Variants in SETD9 observed in about 807,000 individuals in gnomAD.
The protein encoded by SETD9 is SET domain-containing protein 9.
SETD9 carries 37 observed loss-of-function variants against 36.4 expected under a neutral mutation model. That is an observed-to-expected ratio of 1.02 (90% confidence interval 0.78 to 1.34). The LOEUF is 1.34. Among genes scored for constraint, SETD9 ranks in the 40% most tolerant of loss-of-function variants. The pLI is 0.00. For synonymous variants in SETD9, 128 were observed against 132.9 expected (o/e 0.96, Z 0.26); for missense variants, 323 against 353.2 (o/e 0.91, Z 0.69).
Position 56,909,683 on chromosome 5 carries a change from G to A in SETD9, c.38G>A (p.Trp13Ter). 6.2e-7 allele frequency: 1 copy of A among 1,609,704 alleles called. No homozygotes were observed. The highest frequency in any genetic ancestry group is 2.2e-5 in the East Asian group (1 of 44,496). The change falls in exon 1 of 6, where the codon TGG (tryptophan) becomes TAG (stop). Residue 13 changes from tryptophan (W) to a stop codon, truncating the protein, a stop_gained. Transcript: ENST00000285947. LOFTEE classifies it high-confidence loss of function. The stretch of plus-strand genomic sequence containing the variant: ...CTGCTGCGGGGCCTGTGGCAGCGAT[G>A]GCGCCGTTACAAGTACCGCTTCGTT... Reference protein sequence around the residue: ...GRLLRGLWQRWRRYKYRFVPW... With the variant: ...GRLLRGLWQR
At chr5:56,925,305 G>A (rs745878589) in intron 5 of SETD9, 4 of 453,690 alleles carry the variant, frequency 8.8e-6, no homozygotes, top group Non-Finnish European at 1.8e-5. Context: ...GATTGGGAAG[G>A]AAGAAATAAA....
chr5:56,909,691 T>A lies in SETD9; in HGVS notation c.46T>A (p.Tyr16Asn). The change falls in exon 1 of 6, where the codon TAC becomes AAC. Residue 16 changes from tyrosine (Y) to asparagine (N), a missense_variant. Coordinates refer to ENST00000285947, the MANE Select transcript of SETD9 (RefSeq NM_153706.4). ...GGGCCTGTGGCAGCGATGGCGCCGT[T>A]ACAAGTACCGCTTCGTTCCCTGGAT... ...LRGLWQRWRRYKYRFVPWIAL... is the reference protein window; with the variant it reads ...LRGLWQRWRRNKYRFVPWIAL... 6.2e-7 allele frequency: 1 copy of A among 1,610,576 alleles called. No homozygotes were observed. Among genetic ancestry groups the A allele is most frequent in the Non-Finnish European group, 8.5e-7 (1 of 1,178,832 alleles).
intron 2 of SETD9, 25 bp downstream of exon 2, chr5:56,911,561 T>C: frequency 6.7e-7 from 1 of 1,489,510 alleles, no homozygotes; most frequent in Non-Finnish European, 8.9e-7. Flanking sequence ...AATATTATAC[T>C]TTGCCAAGCT....
intron 5 of SETD9, among the ~76,000 whole-genome samples, chr5:56,915,993 G>T (rs556248909): frequency 1.1e-4 from 17 of 152,094 alleles, no homozygotes; most frequent in Admixed American, 7.9e-4. Context: ...CCAAAAACTT[G>T]ATAACTTTTG....
intron 5 of SETD9, chr5:56,923,517 G>A (rs748965721): frequency 1.2e-6 from 2 of 1,614,188 alleles, no homozygotes; most frequent in African/African-American, 1.3e-5. Context: ...TTGCCCAGTG[G>A]AGGAAAGCTA....
chr5:56,917,047 A>C lies in SETD9; in HGVS notation c.*145A>C, dbSNP rs73757504. On this transcript the variant is annotated 3_prime_UTR_variant, in exon 6 of 6. Coordinates refer to ENST00000285947, the MANE Select transcript of SETD9 (RefSeq NM_153706.4). ...AATTTCTTATGTTTTTGTTGATATTATATTTATGTTCCAATTTCATGATAA... is the reference window on the plus strand; with the variant it reads ...AATTTCTTATGTTTTTGTTGATATTCTATTTATGTTCCAATTTCATGATAA... 7.0e-3 allele frequency: 9,288 copies of C among 1,325,802 alleles called. 589 individuals carry two copies. The African/African-American group carries it at 0.13, about 18-fold the overall frequency. The allele number at this position is 1,325,802 out of a possible 1,614,324, so 82.1% of individuals were successfully genotyped here. A position where few individuals can be genotyped will look rare whatever the true frequency, so the allele number is the denominator to read the frequency against.
chr5:56,913,094 A>G lies in SETD9; in HGVS notation c.550A>G (p.Ile184Val). 4 of 1,614,098 alleles carry G rather than the reference A, an allele frequency of 2.5e-6. No individual in the cohort carries two copies. Among genetic ancestry groups the G allele is most frequent in the Non-Finnish European group, 3.4e-6 (4 of 1,179,996 alleles). ...TTTTAGATGCCTGGATGGGGTACTC[A>G]TTGATGGGAATGACAAAGGGATATC... ...FIFRCLDGVL[I>V]DGNDKGISKV... is the part of the protein sequence containing the mutation. The change falls in exon 3 of 6, where the codon ATT becomes GTT. Residue 184 changes from isoleucine (I) to valine (V), a missense_variant. Physicochemically the swap from Ile to Val is conservative, Grantham distance 29 (BLOSUM62 3). Transcript: ENST00000285947.
Position 56,923,494 on chromosome 5 carries a change from T to TCCA in SETD9, c.813-1837_813-1835dup, listed in dbSNP as rs780500229. On this transcript the variant is annotated intron_variant, in intron 5 of 5. Coordinates refer to the SETD9 transcript ENST00000628593. ...TTACAACAGGCACATGATTAACTTG[T>TCCA]CCACGGGGTGTGTTGCCCAGTGGAG... 4 of 1,614,186 alleles carry TCCA rather than the reference T, an allele frequency of 2.5e-6. No homozygotes were observed. In the Admixed American group the frequency reaches 6.7e-5, roughly 27 times the overall value.
At chr5:56,911,898 C>T (rs576610156) in intron 2 of SETD9, among the ~76,000 whole-genome samples, 3 of 152,142 alleles carry the variant, frequency 2.0e-5, no homozygotes, top group South Asian at 2.1e-4. Context: ...GATAGGCTCA[C>T]GCCGGTAATC....
chr5:56,925,056 CAT>C (rs1749895640), intron 5 of SETD9, among the ~76,000 whole-genome samples: 1 of 152,160 alleles, frequency 6.6e-6, no homozygotes, highest in Admixed American at 6.5e-5. Flanking sequence ...AGTGGAAGGA[CAT>C]AACTGTTTAC....
At chr5:56,918,617 T>TC (rs1273717778), downstream of SETD9, among the ~76,000 whole-genome samples, 1 of 151,486 alleles carries the variant, frequency 6.6e-6, no homozygotes, top group Non-Finnish European at 1.5e-5. Flanking sequence ...TGTGTGCTTG[T>TC]CCCTGCTCTG....
At chr5:56,926,915 AACAAAC>A (rs1750013430), downstream of SETD9, among the ~76,000 whole-genome samples, 2 of 152,170 alleles carry the variant, frequency 1.3e-5, no homozygotes, top group African/African-American at 2.4e-5. Context: ...CAAGCCTCAA[AACAAAC>A]ACAAACAAAC....
At position 56,914,933 on chromosome 5, in the gene SETD9, T is replaced by C; in HGVS notation, c.779T>C (p.Leu260Pro). 1 of 1,596,860 alleles carries C rather than the reference T, an allele frequency of 6.3e-7. No homozygotes were observed. The change falls in exon 5 of 6, where the codon CTT (leucine) becomes CCT (proline). Residue 260 changes from leucine to proline, a missense_variant. By Grantham distance (98) the Leu-to-Pro change is moderately conservative. Transcript: ENST00000285947. ...AVFPIELKQY[L>P]PNIAYSYDKQ... ...TTCCCTATAGAACTGAAGCAGTATC[T>C]TCCAAACATTGCCTACAGCTATGAC...
intron 1 of SETD9, chr5:56,910,375 A>G (rs1579805674): frequency 1.5e-6 from 2 of 1,304,132 alleles, no homozygotes; most frequent in Non-Finnish European, 2.0e-6. Flanking sequence ...GCACGTCGGG[A>G]TGGTGGGTTT....
At chr5:56,927,488 T>G (rs947977072), downstream of SETD9, among the ~76,000 whole-genome samples, 1 of 152,204 alleles carries the variant, frequency 6.6e-6, no homozygotes, top group African/African-American at 2.4e-5. Flanking sequence ...TCCTTTAGGA[T>G]GAAAAGAGGA....
chr5:56,913,556 G>A (rs1337339820), intron 3 of SETD9, among the ~76,000 whole-genome samples: 1 of 151,364 alleles, frequency 6.6e-6, no homozygotes, highest in Non-Finnish European at 1.5e-5. Flanking sequence ...GATAATTTTT[G>A]TATTTTTAGT....
At position 56,911,484 on chromosome 5, in the gene SETD9, C is replaced by A. The variant is rs773651977; in HGVS notation, c.414C>A (p.Val138=). The A allele has an allele frequency of 3.1e-6, 5 of 1,602,528 alleles. No homozygotes were observed. The highest frequency in any genetic ancestry group is 4.3e-6 in the Non-Finnish European group (5 of 1,176,082). The change falls in exon 2 of 6, where the codon GTC becomes GTA. Residue 138 remains valine (V), a synonymous_variant. Coordinates refer to ENST00000285947, the MANE Select transcript of SETD9 (RefSeq NM_153706.4). The stretch of plus-strand genomic sequence containing the variant: ...CATTGATTTCTGCTGGAAAAGGTGT[C>A]TTCGTTACTAAAGGATTGGTACCAA... ...TSSLISAGKG[V]FVTKGLVPKG... is the part of the protein sequence containing the mutation.
intron 4 of SETD9, among the ~76,000 whole-genome samples, 195 bp from the exon 5 acceptor site, chr5:56,914,666 T>G (rs1483965794): frequency 6.6e-6 from 1 of 152,142 alleles, no homozygotes; most frequent in Non-Finnish European, 1.5e-5. Flanking sequence ...TTATTTTATA[T>G]ATTTATGATT....
At chr5:56,920,778 A>C (rs1327521593), downstream of SETD9, 1 of 152,350 alleles carries the variant, frequency 6.6e-6, no homozygotes, top group Non-Finnish European at 1.5e-5. Flanking sequence ...AAAATATTGA[A>C]TTAGATCTAA....
Sources: gnomAD v4.1 joint callset for allele counts (sites outside exome capture counted in the v4.1 genomes callset) on GRCh38, gnomAD v4.1.1 for gene constraint, MANE v1.5 for transcripts, NCBI Gene and HGNC (gene_info 2026-07-23, HGNC 2026-07-21) for gene names.